The following EPHB1 variants were observed in gnomAD, a reference collection of about 807,000 sequenced individuals.
EPHB1 encodes ephrin type-B receptor 1.
EPHB1 carries 30 observed loss-of-function variants against 94.4 expected under a neutral mutation model. That is an observed-to-expected ratio of 0.32 (90% CI 0.24 to 0.43). EPHB1 has a LOEUF of 0.43. Ranked by LOEUF, EPHB1 falls within the 20% of genes least tolerant of loss-of-function variation. The pLI, the probability that EPHB1 is intolerant of heterozygous loss-of-function variation, is 1.00. For synonymous variants in EPHB1, 522 were observed against 489.1 expected, an observed-to-expected ratio of 1.07 and a Z score of -0.89; for missense variants, 1,055 against 1,308.3, an observed-to-expected ratio of 0.81 and a Z score of 2.99.
At chr3:134,845,981 G>T (rs573500829) in intron 1 of EPHB1, among the ~76,000 whole-genome samples, 1 of 151,888 alleles carries the variant, frequency 6.6e-6, no homozygotes, top group South Asian at 2.1e-4. Flanking sequence ...AGATCAAAGA[G>T]GTCTCATGAT....
intron 3 of EPHB1, among the ~76,000 whole-genome samples, chr3:134,992,267 G>A (rs1273597664): frequency 4.6e-5 from 7 of 152,068 alleles, no homozygotes; most frequent in Admixed American, 1.3e-4. Flanking sequence ...AGAAGATGAC[G>A]GCCTGGAGTC....
At chr3:135,221,132 C>A (rs1372113728) in intron 12 of EPHB1, among the ~76,000 whole-genome samples, 1 of 152,184 alleles carries the variant, frequency 6.6e-6, no homozygotes, top group Non-Finnish European at 1.5e-5. Flanking sequence ...GGCTTTGTAG[C>A]TGGATATTCT....
At chr3:134,860,611 A>G (rs530174491) in intron 1 of EPHB1, among the ~76,000 whole-genome samples, 1 of 152,198 alleles carries the variant, frequency 6.6e-6, no homozygotes, top group African/African-American at 2.4e-5. Context: ...TCAGGAGATC[A>G]AGACCATCCT....
intron 4 of EPHB1, among the ~76,000 whole-genome samples, chr3:135,108,298 A>G (rs934224319): frequency 2.0e-5 from 3 of 152,260 alleles, no homozygotes; most frequent in Admixed American, 2.0e-4. Context: ...TATAAAACAT[A>G]TAGTGCACTA....
At chr3:134,963,357 G>T (rs1324630386) in intron 3 of EPHB1, among the ~76,000 whole-genome samples, 1 of 152,160 alleles carries the variant, frequency 6.6e-6, no homozygotes, top group African/African-American at 2.4e-5. Context: ...AAAGAATGCT[G>T]ATGCTCTGTT....
chr3:135,158,242 C>A (rs1941411274), intron 6 of EPHB1, among the ~76,000 whole-genome samples: 1 of 139,094 alleles, frequency 7.2e-6, no homozygotes, highest in South Asian at 2.1e-4. Context: ...AAGAAGCAAA[C>A]CCCATTATTT....
chr3:134,995,145 T>C (rs1198861379), intron 3 of EPHB1, among the ~76,000 whole-genome samples: 4 of 152,192 alleles, frequency 2.6e-5, no homozygotes, highest in Non-Finnish European at 2.9e-5. Flanking sequence ...CTTTCCTCCT[T>C]CTTCTCCCTG....
intron 3 of EPHB1, among the ~76,000 whole-genome samples, chr3:135,048,980 C>T (rs1937090445): frequency 6.6e-6 from 1 of 152,190 alleles, no homozygotes; most frequent in Non-Finnish European, 1.5e-5. Context: ...TTCCTTACAG[C>T]CTCAGAAGTG....
intron 1 of EPHB1, among the ~76,000 whole-genome samples, chr3:134,799,261 A>T (rs1336406571): frequency 6.6e-6 from 1 of 152,206 alleles, no homozygotes; most frequent in African/African-American, 2.4e-5. Context: ...CCACAAGGTG[A>T]GGCAGTGATT....
intron 1 of EPHB1, among the ~76,000 whole-genome samples, chr3:134,873,368 G>A (rs1359889236): frequency 1.3e-5 from 2 of 152,212 alleles, no homozygotes; most frequent in African/African-American, 2.4e-5. Context: ...CCCCAAGTAA[G>A]AGAAAACTCT....
intron 3 of EPHB1, among the ~76,000 whole-genome samples, chr3:135,101,673 C>T (rs916264460): frequency 1.8e-4 from 28 of 152,162 alleles, no homozygotes; most frequent in Admixed American, 5.2e-4. Context: ...TAAGCCACCA[C>T]GCCTGGCCTG....
chr3:135,171,643 C>G (rs947546489), intron 9 of EPHB1, among the ~76,000 whole-genome samples: 2 of 152,152 alleles, frequency 1.3e-5, no homozygotes, highest in Non-Finnish European at 2.9e-5. Flanking sequence ...AAATAGGAGA[C>G]CTAACTTGCT....
intron 1 of EPHB1, chr3:134,840,631 T>C (rs2036757923): frequency 6.6e-6 from 1 of 152,206 alleles, no homozygotes; most frequent in South Asian, 2.1e-4. Flanking sequence ...GAGTATGTAA[T>C]AGCACCCACT....
chr3:135,241,750 C>T (rs982520637), intron 13 of EPHB1, among the ~76,000 whole-genome samples: 4 of 152,208 alleles, frequency 2.6e-5, no homozygotes, highest in Non-Finnish European at 2.9e-5. Flanking sequence ...TTGAGCCAGT[C>T]GCAGTTTCTG....
intron 1 of EPHB1, among the ~76,000 whole-genome samples, chr3:134,876,705 C>T (rs1177940332): frequency 7.9e-5 from 12 of 152,026 alleles, no homozygotes; most frequent in Non-Finnish European, 1.8e-4. Flanking sequence ...GTGAGGATGG[C>T]GCCAAGTGTT....
At chr3:135,167,721 G>A (rs1351108198) in intron 9 of EPHB1, among the ~76,000 whole-genome samples, 2 of 152,192 alleles carry the variant, frequency 1.3e-5, no homozygotes, top group Admixed American at 1.3e-4. Flanking sequence ...AGAATTCTCA[G>A]ATCCTTACAG....
chr3:135,258,910 A>T, intron 15 of EPHB1, 102 bp from the exon 16 acceptor site: 2 of 1,018,600 alleles, frequency 2.0e-6, no homozygotes, highest in Non-Finnish European at 2.9e-6. Flanking sequence ...GGATTTTTGT[A>T]GCATGGCTAC....
intron 12 of EPHB1, among the ~76,000 whole-genome samples, chr3:135,240,553 C>T (rs1943756452): frequency 6.6e-6 from 1 of 152,204 alleles, no homozygotes; most frequent in Admixed American, 6.5e-5. Context: ...AAGACCACAG[C>T]ACTGGGACCA....
chr3:134,797,104 G>A (rs1578091610), intron 1 of EPHB1, among the ~76,000 whole-genome samples: 1 of 152,218 alleles, frequency 6.6e-6, no homozygotes, highest in Non-Finnish European at 1.5e-5. Context: ...GGGGTGCGGC[G>A]ATTAATGCCT....
Sources: allele counts gnomAD v4.1 joint callset (sites outside exome capture counted in the v4.1 genomes callset), GRCh38; gene constraint gnomAD v4.1.1; transcripts MANE v1.5; gene names NCBI Gene and HGNC (gene_info 2026-07-23, HGNC 2026-07-21).